Variants in ADGRG7 observed in about 807,000 individuals in gnomAD.
ADGRG7 encodes adhesion G protein-coupled receptor G7.
In ADGRG7, 82 loss-of-function variants were observed where a neutral mutation model predicts 88.6. The observed-to-expected ratio is 0.93, with a 90% CI of 0.77 to 1.11. The LOEUF (loss-of-function observed/expected upper bound fraction) is 1.11. Among genes scored for constraint, ADGRG7 ranks in the 50% most tolerant of loss-of-function variants. The pLI, the probability that ADGRG7 is intolerant of heterozygous loss-of-function variation, is 0.00. For synonymous variants in ADGRG7, 381 were observed against 345.2 expected, an observed-to-expected ratio of 1.10 and a Z score of -1.15; for missense variants, 945 against 953.4, an observed-to-expected ratio of 0.99 and a Z score of 0.12.
Position 100,646,032 on chromosome 3 carries a change from A to C in ADGRG7, c.1034A>C (p.Gln345Pro). ...TTTACAGCTAAATCGGATTTTAGTCAAAAAATTATCTCAAGCAAAACTGAT... is the reference window on the plus strand; with the variant it reads ...TTTACAGCTAAATCGGATTTTAGTCCAAAAATTATCTCAAGCAAAACTGAT... The part of the protein sequence containing the change: ...KTFTAKSDFS[Q>P]KIISSKTDEN... The change falls in exon 9 of 16, where the codon CAA (glutamine) becomes CCA (proline). Residue 345 changes from glutamine (Q) to proline (P), a missense_variant. Physicochemically the swap from Gln to Pro is moderately conservative, Grantham distance 76 (BLOSUM62 -1). Transcript: ENST00000273352. 6.2e-7 allele frequency: 1 copy of C among 1,613,970 alleles called. No homozygotes were observed. Among genetic ancestry groups the C allele is most frequent in the Middle Eastern group, 1.7e-4 (1 of 6,058 alleles).
intron 14 of ADGRG7, among the ~76,000 whole-genome samples, chr3:100,662,945 C>T (rs2094947426): frequency 6.6e-6 from 1 of 152,074 alleles, no homozygotes; most frequent in Admixed American, 6.6e-5. Context: ...GAAATCTATA[C>T]AAATGTTTGA....
intron 1 of ADGRG7, among the ~76,000 whole-genome samples, chr3:100,619,306 T>C (rs1186409147): frequency 6.6e-6 from 1 of 152,184 alleles, no homozygotes; most frequent in Non-Finnish European, 1.5e-5. Flanking sequence ...CCTGAATGAA[T>C]ACTGGGTAAA....
intron 1 of ADGRG7, among the ~76,000 whole-genome samples, chr3:100,623,484 C>T (rs574879951): frequency 6.6e-6 from 1 of 152,200 alleles, no homozygotes; most frequent in East Asian, 1.9e-4. Flanking sequence ...TATTGTAAGT[C>T]ATACCCTCAG....
intron 15 of ADGRG7, among the ~76,000 whole-genome samples, chr3:100,692,667 A>G (rs1360642038): frequency 6.6e-6 from 1 of 152,246 alleles, no homozygotes; most frequent in African/African-American, 2.4e-5. Flanking sequence ...TCCTATGATT[A>G]TAGGAAAATC....
intron 15 of ADGRG7, among the ~76,000 whole-genome samples, chr3:100,685,398 A>C (rs1559692553): frequency 6.6e-6 from 1 of 151,880 alleles, no homozygotes; most frequent in Non-Finnish European, 1.5e-5. Flanking sequence ...ATTATACTTT[A>C]AGTTTTAGGG....
Position 100,694,770 on chromosome 3 carries a change from T to C in ADGRG7, c.2163T>C (p.Thr721=), listed in dbSNP as rs145275545. The change falls in exon 16 of 16, where the codon ACT becomes ACC. Residue 721 remains threonine, a synonymous_variant. Coordinates refer to ENST00000273352, the MANE Select transcript of ADGRG7 (RefSeq NM_032787.3). ...TQGLQIFILY[T]VRTKVFQSEA... ...GATTGCAAATTTTTATCCTGTACAC[T>C]GTTAGAACAAAAGTCTTCCAGAGTG... 6.2e-7 allele frequency: 1 copy of C among 1,614,126 alleles called. No individual in the cohort carries two copies. Among genetic ancestry groups the C allele is most frequent in the African/African-American group, 1.3e-5 (1 of 75,068 alleles).
intron 11 of ADGRG7, among the ~76,000 whole-genome samples, chr3:100,650,425 G>A (rs1002193983): frequency 6.6e-5 from 10 of 151,916 alleles, no homozygotes; most frequent in East Asian, 5.8e-4. Flanking sequence ...AATTTACTCC[G>A]TTTACTGTGT....
At chr3:100,619,981 A>G (rs544205716) in intron 1 of ADGRG7, among the ~76,000 whole-genome samples, 234 of 152,316 alleles carry the variant, frequency 1.5e-3, no homozygotes, top group African/African-American at 5.1e-3. Context: ...CCAGAGGTAT[A>G]AGGAGGAGCT....
At chr3:100,669,778 GT>G (rs745676762) in intron 15 of ADGRG7, among the ~76,000 whole-genome samples, 77 of 152,116 alleles carry the variant, frequency 5.1e-4, no homozygotes, top group Non-Finnish European at 9.6e-4. Context: ...CTCACGGCCT[GT>G]AATTCCAGCA....
chr3:100,689,678 T>C (rs1040756252), intron 15 of ADGRG7, among the ~76,000 whole-genome samples: 1 of 152,238 alleles, frequency 6.6e-6, no homozygotes, highest in Non-Finnish European at 1.5e-5. Flanking sequence ...AAAATTCTTT[T>C]CTTTAAGAAT....
intron 14 of ADGRG7, among the ~76,000 whole-genome samples, 190 bp downstream of exon 14, chr3:100,660,033 A>G (rs1481992929): frequency 6.6e-6 from 1 of 152,252 alleles, no homozygotes; most frequent in Non-Finnish European, 1.5e-5. Context: ...ACATCCGTAC[A>G]GTCTGCTCTC....
intron 1 of ADGRG7, among the ~76,000 whole-genome samples, chr3:100,615,928 AAAG>A (rs1707218277): frequency 2.6e-5 from 4 of 152,102 alleles, no homozygotes; most frequent in South Asian, 2.1e-4. Context: ...TCAACCAAGA[AAAG>A]AAGATTAGAA....
At chr3:100,611,586 A>G (rs977833386) in intron 1 of ADGRG7, among the ~76,000 whole-genome samples, 2 of 152,218 alleles carry the variant, frequency 1.3e-5, no homozygotes, top group South Asian at 2.1e-4. Context: ...AGGAGGCATA[A>G]TAAGTAATAA....
At chr3:100,655,724 T>C (rs1453535481) in intron 12 of ADGRG7, among the ~76,000 whole-genome samples, 175 bp from the exon 13 acceptor site, 1 of 152,170 alleles carries the variant, frequency 6.6e-6, no homozygotes, top group Non-Finnish European at 1.5e-5. Context: ...GGAAAACACT[T>C]GGAGAAAAAT....
chr3:100,642,156 G>A (rs1443349382), intron 6 of ADGRG7, among the ~76,000 whole-genome samples: 7 of 152,164 alleles, frequency 4.6e-5, no homozygotes, highest in African/African-American at 1.7e-4. Context: ...AATGCCTGAG[G>A]GAGCAGCTCC....
chr3:100,629,839 T>C, intron 2 of ADGRG7, 128 bp downstream of exon 2: 1 of 631,688 alleles, frequency 1.6e-6, no homozygotes, highest in Non-Finnish European at 2.8e-6. Flanking sequence ...ATGATGGCTT[T>C]AGGATGTGTT....
chr3:100,671,301 GTGA>G (rs1338181408), intron 15 of ADGRG7, among the ~76,000 whole-genome samples: 1 of 152,202 alleles, frequency 6.6e-6, no homozygotes, highest in African/African-American at 2.4e-5. Context: ...CTAATGACCA[GTGA>G]TGATGAGCTT....
chr3:100,678,973 C>T (rs1376889254), intron 15 of ADGRG7, among the ~76,000 whole-genome samples: 2 of 152,160 alleles, frequency 1.3e-5, no homozygotes, highest in Admixed American at 1.3e-4. Context: ...ACCACCTATG[C>T]TACTCAAGGC....
intron 3 of ADGRG7, 21 bp downstream of exon 3, chr3:100,630,830 T>C: frequency 7.8e-7 from 1 of 1,289,376 alleles, no homozygotes. Context: ...TCCCAAACAT[T>C]TACTCTATGC....
Sources: gnomAD v4.1 joint callset for allele counts (sites outside exome capture counted in the v4.1 genomes callset) on GRCh38, gnomAD v4.1.1 for gene constraint, MANE v1.5 for transcripts, NCBI Gene and HGNC (gene_info 2026-07-23, HGNC 2026-07-21) for gene names.